The following PCDHGA7 variants were observed in gnomAD, a reference collection of about 807,000 sequenced individuals.
PCDHGA7 encodes protocadherin gamma-A7.
PCDHGA7 carries 44 observed loss-of-function variants against 58.3 expected under a neutral mutation model. That is an observed-to-expected ratio of 0.75 (90% confidence interval 0.59 to 0.97). The LOEUF (loss-of-function observed/expected upper bound fraction) is 0.97. Ranked by LOEUF, PCDHGA7 falls within the 50% of genes least tolerant of loss-of-function variation. The pLI is 0.00. For missense variants in PCDHGA7, 1,266 were observed against 1,188.7 expected (o/e 1.06, Z -0.96); for synonymous variants, 516 against 504.2 (o/e 1.02, Z -0.31).
chr5:141,403,791 A>C (rs1265792011), intron 1 of PCDHGA7: 4 of 1,613,782 alleles, frequency 2.5e-6, no homozygotes, highest in Non-Finnish European at 3.4e-6. Flanking sequence ...GTGGCATACA[A>C]ATTCTGGAAA....
At chr5:141,447,613 A>G (rs1169186870) in intron 1 of PCDHGA7, among the ~76,000 whole-genome samples, 1 of 152,186 alleles carries the variant, frequency 6.6e-6, no homozygotes, top group Admixed American at 6.5e-5. Context: ...TTAGCATTTT[A>G]AAGTTGAAAC....
chr5:141,494,921 A>C (rs1345734925), intron 2 of PCDHGA7, 56 bp downstream of exon 2: 6 of 1,613,556 alleles, frequency 3.7e-6, no homozygotes, highest in Non-Finnish European at 5.1e-6. Flanking sequence ...CTCAGGGATG[A>C]CGTGGGAGGA....
intron 1 of PCDHGA7, chr5:141,416,339 A>T (rs2096016775): frequency 6.6e-6 from 1 of 152,218 alleles, no homozygotes; most frequent in African/African-American, 2.4e-5. Context: ...TCATTGCTCA[A>T]TAGGGATCCT....
chr5:141,394,171 C>T (rs115102808), intron 1 of PCDHGA7: 17,700 of 1,613,924 alleles, frequency 0.011, 141 homozygotes, highest in Non-Finnish European at 0.013. Flanking sequence ...CCTACTTTCC[C>T]TCATGCCTCC....
In PCDHGA7 at chr5:141,430,181, T is replaced by A. The variant is rs561671481; in HGVS notation, c.2424+44858T>A. ...TCTATTTAAAAATATTTTCCCCAAA[T>A]TATAGCTGAATCAGAAAGTTTAAAT... On this transcript the variant is annotated intron_variant, in intron 1 of 3. Transcript: ENST00000518325. 2.0e-5 allele frequency among the ~76,000 whole-genome samples: 3 copies of A among 152,252 alleles called. No homozygotes were observed. The South Asian group carries it at 6.2e-4, about 32-fold the overall frequency.
rs1176011355 is a variant in PCDHGA7, at chr5:141,485,491, G to C, written c.2425-9316G>C. Reference sequence around the variant, plus strand: ...TCAGTGCCAGCTGCATCGTGCCCCTGGAGTTTGTCACCGAAGGTCCTTTGG... The same window carrying C: ...TCAGTGCCAGCTGCATCGTGCCCCTCGAGTTTGTCACCGAAGGTCCTTTGG... On this transcript the variant is annotated intron_variant, in intron 1 of 3. Coordinates refer to ENST00000518325, the MANE Select transcript of PCDHGA7 (RefSeq NM_018920.4). This position sits in a 1 kb window ranked among gnomAD's most constrained non-coding sequence, Gnocchi z 5.7. 6.2e-7 allele frequency: 1 copy of C among 1,614,142 alleles called. No homozygotes were observed. The highest frequency in any genetic ancestry group is 1.3e-5 in the African/African-American group (1 of 75,018).
At chr5:141,459,300 A>G (rs954766370) in intron 1 of PCDHGA7, among the ~76,000 whole-genome samples, 2 of 152,202 alleles carry the variant, frequency 1.3e-5, no homozygotes, top group Non-Finnish European at 2.9e-5. Context: ...ATCCTATAAC[A>G]TATACTATTT....
chr5:141,483,589 G>A (rs189449393), intron 1 of PCDHGA7, among the ~76,000 whole-genome samples: 17 of 152,214 alleles, frequency 1.1e-4, no homozygotes, highest in Admixed American at 1.1e-3. Context: ...ACACCTAATA[G>A]GTCAGGCTGG....
chr5:141,427,530 T>C (rs1302316196), intron 1 of PCDHGA7: 3 of 619,732 alleles, frequency 4.8e-6, no homozygotes, highest in Non-Finnish European at 9.0e-6. Context: ...GATCCCGGAG[T>C]ACAACGTCAC....
chr5:141,453,676 C>T (rs1387074223), intron 1 of PCDHGA7, among the ~76,000 whole-genome samples: 1 of 152,174 alleles, frequency 6.6e-6, no homozygotes, highest in Admixed American at 6.6e-5. Flanking sequence ...AAAGGTAACA[C>T]ACTATGTAGG....
chr5:141,488,014 C>T (rs2099670661), intron 1 of PCDHGA7, among the ~76,000 whole-genome samples: 1 of 152,120 alleles, frequency 6.6e-6, no homozygotes, highest in South Asian at 2.1e-4. Context: ...TCTGAAGTAC[C>T]TTAACTCTAG....
intron 1 of PCDHGA7, chr5:141,423,754 G>C: frequency 1.7e-6 from 1 of 577,836 alleles, no homozygotes. Flanking sequence ...ACTGTTTGGG[G>C]GGGGGGTGGG....
chr5:141,394,087 C>T, intron 1 of PCDHGA7: 2 of 1,613,888 alleles, frequency 1.2e-6, no homozygotes, highest in Non-Finnish European at 1.7e-6. Context: ...GTGATGGCCT[C>T]AGATCTAGGA....
At chr5:141,391,324 T>C (rs1246568740) in intron 1 of PCDHGA7, 2 of 151,644 alleles carry the variant, frequency 1.3e-5, no homozygotes, top group Non-Finnish European at 2.9e-5. Context: ...TTTCTTTTTT[T>C]TTTTTTGAGA....
At chr5:141,395,093 C>CT (rs2093169149) in intron 1 of PCDHGA7, 4 of 1,614,040 alleles carry the variant, frequency 2.5e-6, no homozygotes, top group Non-Finnish European at 3.4e-6. Flanking sequence ...TCTCCCTCAC[C>CT]GCCGACTCGC....
At chr5:141,455,661 T>TG (rs2098828692) in intron 1 of PCDHGA7, among the ~76,000 whole-genome samples, 1 of 152,024 alleles carries the variant, frequency 6.6e-6, no homozygotes, top group South Asian at 2.1e-4. Context: ...CAGGAACTTG[T>TG]GGGGCAAGGG....
At chr5:141,426,680 T>TC in intron 1 of PCDHGA7, 1 of 431,452 alleles carries the variant, frequency 2.3e-6, no homozygotes, top group South Asian at 1.6e-5. Context: ...CACCTCATTT[T>TC]CCCCAAAATA....
rs1562150111 is a variant in PCDHGA7, at chr5:141,491,805, T to G, written c.2425-3002T>G. 1 of 1,495,892 alleles carries G rather than the reference T, an allele frequency of 6.7e-7. No homozygotes were observed. 92.7% of individuals were successfully genotyped at this position (1,495,892 alleles called of 1,614,324 possible). A position where few individuals can be genotyped will look rare whatever the true frequency, so the allele number is the denominator to read the frequency against. On this transcript the variant is annotated intron_variant, in intron 1 of 3. Coordinates refer to ENST00000518325, the MANE Select transcript of PCDHGA7 (RefSeq NM_018920.4). This position sits in a 1 kb window ranked among gnomAD's most constrained non-coding sequence, Gnocchi z 6.9. ...TGCATCCACTCCTCTCCGGCCGGCT[T>G]GGTCGCTGGCTGCGCTCCACCCGAT... is the stretch of plus-strand genomic sequence containing the variant.
intron 1 of PCDHGA7, among the ~76,000 whole-genome samples, chr5:141,492,586 G>C (rs1451055991): frequency 6.6e-6 from 1 of 152,220 alleles, no homozygotes; most frequent in Admixed American, 6.5e-5. Context: ...GGGGCCAGGA[G>C]CGCTGGAGCG....
Sources: gnomAD v4.1 joint callset for allele counts (sites outside exome capture counted in the v4.1 genomes callset) on GRCh38, gnomAD v4.1.1 for gene constraint, Gnocchi (gnomAD v3.1) non-coding constraint, MANE v1.5 for transcripts, NCBI Gene and HGNC (gene_info 2026-07-23, HGNC 2026-07-21) for gene names.